BRAF: variants seen among roughly 807,000 people sequenced by gnomAD.
BRAF encodes B-Raf proto-oncogene, serine/threonine kinase, also known as serine/threonine-protein kinase B-raf.
BRAF carries 16 observed loss-of-function variants against 104.6 expected under a neutral mutation model. That is an observed-to-expected ratio of 0.15 (90% confidence interval 0.10 to 0.23). BRAF has a LOEUF of 0.23. BRAF is among the 10% of genes least tolerant of loss of function. BRAF has a pLI of 1.00. For missense variants in BRAF, 541 were observed against 937.3 expected (o/e 0.58, Z 5.52); for synonymous variants, 310 against 341.6 (o/e 0.91, Z 1.02).
chr7:140,763,102 C>G (rs1798920246), intron 14 of BRAF, among the ~76,000 whole-genome samples: 1 of 152,242 alleles, frequency 6.6e-6, no homozygotes, highest in Non-Finnish European at 1.5e-5. Context: ...CATCATGGCC[C>G]GTTCTCAATG....
chr7:140,867,505 T>G (rs940260869), intron 1 of BRAF, among the ~76,000 whole-genome samples: 1 of 150,984 alleles, frequency 6.6e-6, no homozygotes, highest in Non-Finnish European at 1.5e-5. Flanking sequence ...GAGCATACAT[T>G]CTAGTTAAGG....
intron 14 of BRAF, among the ~76,000 whole-genome samples, chr7:140,768,738 C>A (rs1799566124): frequency 6.6e-6 from 1 of 152,144 alleles, no homozygotes. Flanking sequence ...CTCAAGCAAT[C>A]CTCCCTCCTC....
chr7:140,722,206 G>A lies in BRAF; in HGVS notation c.*4288C>T. On this transcript the variant is annotated 3_prime_UTR_variant, in exon 20 of 20. Transcript: ENST00000644969. ...TGATAAATATATCTGACTATACTAG[G>A]GATTATGTGCTTTAAAAAAATAATT... The A allele has an allele frequency of 9.5e-7, 1 of 1,056,028 alleles. No homozygotes were observed. The highest frequency in any genetic ancestry group is 1.1e-6 in the Non-Finnish European group (1 of 873,130). 65.4% of individuals were successfully genotyped at this position (1,056,028 alleles called of 1,614,324 possible). A position where few individuals can be genotyped will look rare whatever the true frequency, so the allele number is the denominator to read the frequency against.
At chr7:140,815,580 T>C (rs531919906) in intron 3 of BRAF, among the ~76,000 whole-genome samples, 20 of 151,928 alleles carry the variant, frequency 1.3e-4, no homozygotes, top group African/African-American at 4.8e-4. Flanking sequence ...ATTACAGGCA[T>C]GTGCCAGCAA....
chr7:140,760,617 A>G (rs1233950530), intron 14 of BRAF, among the ~76,000 whole-genome samples: 2 of 152,052 alleles, frequency 1.3e-5, no homozygotes, highest in African/African-American at 4.8e-5. Flanking sequence ...AGGGACCCCA[A>G]AAGTTTTTTT....
chr7:140,825,560 T>C (rs1035642495), intron 3 of BRAF, among the ~76,000 whole-genome samples: 2 of 152,234 alleles, frequency 1.3e-5, no homozygotes, highest in African/African-American at 4.8e-5. Flanking sequence ...TTTTCATTCC[T>C]TCTGTGTTCA....
chr7:140,886,129 T>G (rs1813539436), intron 1 of BRAF, among the ~76,000 whole-genome samples: 1 of 152,198 alleles, frequency 6.6e-6, no homozygotes, highest in African/African-American at 2.4e-5. Flanking sequence ...ATAAGTTTAT[T>G]CTAAATCTTA....
Position 140,719,981 on chromosome 7 carries a change from C to G in BRAF, c.*6513G>C. ...AATTCACTGCAGTTCAAACAGGAAG[C>G]ATCTCCCTTTCCTCTCCCTTACAGG... On this transcript the variant is annotated 3_prime_UTR_variant, in exon 20 of 20. Coordinates refer to ENST00000644969, the MANE Select transcript of BRAF (RefSeq NM_001374258.1). 1 of 1,062,704 alleles carries G rather than the reference C, an allele frequency of 9.4e-7. No individual in the cohort carries two copies. Among genetic ancestry groups the G allele is most frequent in the Non-Finnish European group, 1.1e-6 (1 of 877,598 alleles). 65.8% of individuals were successfully genotyped at this position (1,062,704 alleles called of 1,614,324 possible).
At chr7:140,917,921 G>A (rs1817793124) in intron 1 of BRAF, among the ~76,000 whole-genome samples, 1 of 152,088 alleles carries the variant, frequency 6.6e-6, no homozygotes, top group Non-Finnish European at 1.5e-5. Flanking sequence ...TTTAAATATT[G>A]TCTATTAGCT....
chr7:140,792,944 T>C (rs1461602175), intron 8 of BRAF, among the ~76,000 whole-genome samples: 1 of 152,206 alleles, frequency 6.6e-6, no homozygotes, highest in East Asian at 1.9e-4. Context: ...ATTCTGACAG[T>C]TGCAGAAGGA....
intron 8 of BRAF, 72 bp downstream of exon 8, chr7:140,794,236 G>C (rs1304081812): frequency 6.4e-7 from 1 of 1,556,604 alleles, no homozygotes; most frequent in Non-Finnish European, 8.8e-7. Context: ...TCTGATCTAA[G>C]TTATAATTAT....
At chr7:140,778,120 T>C (rs776428324) in intron 12 of BRAF, 45 bp from the exon 12 acceptor site, 66 of 1,578,310 alleles carry the variant, frequency 4.2e-5, no homozygotes, top group Non-Finnish European at 5.7e-5. Flanking sequence ...ATTTTTAAAA[T>C]TTAAAAGTAT....
chr7:140,881,880 G>C (rs529683858), intron 1 of BRAF, among the ~76,000 whole-genome samples: 2 of 152,262 alleles, frequency 1.3e-5, no homozygotes, highest in South Asian at 4.1e-4. Context: ...TAAGTTCACT[G>C]CCTTATTATG....
intron 14 of BRAF, among the ~76,000 whole-genome samples, chr7:140,767,195 G>A (rs1007912992): frequency 2.0e-5 from 3 of 151,882 alleles, no homozygotes; most frequent in Non-Finnish European, 4.4e-5. Flanking sequence ...GGTAGAGATG[G>A]GTTCCACTAT....
At chr7:140,903,722 T>C (rs1276259839) in intron 1 of BRAF, among the ~76,000 whole-genome samples, 1 of 152,228 alleles carries the variant, frequency 6.6e-6, no homozygotes, top group Non-Finnish European at 1.5e-5. Flanking sequence ...CTCGATGCCA[T>C]AAAGAACATT....
At chr7:140,864,898 C>T (rs1810784059) in intron 1 of BRAF, among the ~76,000 whole-genome samples, 1 of 151,964 alleles carries the variant, frequency 6.6e-6, no homozygotes, top group South Asian at 2.1e-4. Flanking sequence ...ATCAGACTGT[C>T]GGGAATGGTC....
chr7:140,796,921 T>C (rs1026084292), intron 7 of BRAF, among the ~76,000 whole-genome samples: 1 of 152,178 alleles, frequency 6.6e-6, no homozygotes, highest in Non-Finnish European at 1.5e-5. Flanking sequence ...CACTGAAAAA[T>C]ATTACCTGGT....
At position 140,834,654 on chromosome 7, in the gene BRAF, T is replaced by A. The variant is rs1476241098; in HGVS notation, c.459A>T (p.Gln153His). 1.2e-6 allele frequency: 2 copies of A among 1,614,074 alleles called. No individual in the cohort carries two copies. Among genetic ancestry groups the A allele is most frequent in the Non-Finnish European group, 1.7e-6 (2 of 1,180,028 alleles). Residue 153 changes from glutamine (Q) to histidine (H), a missense_variant, in exon 3 of 20, where the codon CAA (glutamine) becomes CAT (histidine). Around this residue, in one of 10 missense-constraint regions of BRAF, gnomAD observed 86 missense variants for 133.9 expected, o/e 0.64. Transcript: ENST00000644969. ...DVARSNPKSP[Q>H]KPIVRVFLPN... ...GCAGGAAGACTCTAACGATAGGTTT[T>A]TGTGGTGACTTGGGGTTGCTCCGTG...
chr7:140,772,013 C>T (rs1473565331), intron 14 of BRAF, among the ~76,000 whole-genome samples: 1 of 151,896 alleles, frequency 6.6e-6, no homozygotes, highest in Non-Finnish European at 1.5e-5. Flanking sequence ...TCAAGATGAA[C>T]AGTATTGGAA....
Sources: gnomAD v4.1 joint callset for allele counts (sites outside exome capture counted in the v4.1 genomes callset) on GRCh38, gnomAD v4.1.1 for gene constraint, gnomAD v4.1.1 regional missense constraint, MANE v1.5 for transcripts, NCBI Gene and HGNC (gene_info 2026-07-23, HGNC 2026-07-21) for gene names.